ZC3H12B: variants seen among roughly 807,000 people sequenced by gnomAD.
ZC3H12B encodes probable ribonuclease ZC3H12B.
In ZC3H12B, 7 loss-of-function variants were observed where a neutral mutation model predicts 43.9. The observed-to-expected ratio is 0.16, with a 90% CI of 0.09 to 0.30. The LOEUF is 0.30. Ranked by LOEUF, ZC3H12B falls within the 10% of genes least tolerant of loss-of-function variation. ZC3H12B has a pLI of 1.00. For missense variants in ZC3H12B, 475 were observed against 670.2 expected, an observed-to-expected ratio of 0.71 and a Z score of 3.22; for synonymous variants, 222 against 241.7, an observed-to-expected ratio of 0.92 and a Z score of 0.76.
intron 3 of ZC3H12B, among the ~76,000 whole-genome samples, chrX:65,480,785 G>T (rs754461574): frequency 9.2e-6 from 1 of 108,154 alleles, no homozygotes; most frequent in South Asian, 4.1e-4. Flanking sequence ...GGCGGAGTTT[G>T]CAGTGAGCCG....
At chrX:65,226,274 C>T in the ZC3H12B span, among the ~76,000 whole-genome samples, 47 of 111,061 alleles carry the variant, frequency 4.2e-4, no homozygotes, top group Admixed American at 2.9e-3. Context: ...CCAAACTAAG[C>T]TTCATAAGTG....
At chrX:65,496,365 C>T (rs189751930) in intron 1 of ZC3H12B, among the ~76,000 whole-genome samples, 267 of 111,929 alleles carry the variant, frequency 2.4e-3, no homozygotes, top group African/African-American at 8.2e-3. Flanking sequence ...GTGCTTAAGA[C>T]TTATCCCCAA....
chrX:65,056,597 C>T, the ZC3H12B span, among the ~76,000 whole-genome samples: 1 of 111,522 alleles, frequency 9.0e-6, no homozygotes, highest in Non-Finnish European at 1.9e-5. Context: ...CTGTAGATGT[C>T]TATTAGGTCC....
chrX:65,133,404 G>A, the ZC3H12B span, among the ~76,000 whole-genome samples: 7 of 109,678 alleles, frequency 6.4e-5, no homozygotes, highest in African/African-American at 2.3e-4. Flanking sequence ...GCCCTTCTGG[G>A]TCTAGGGTGG....
chrX:65,438,782 G>C (rs1056679939), intron 3 of ZC3H12B, among the ~76,000 whole-genome samples: 1 of 113,418 alleles, frequency 8.8e-6, no homozygotes, highest in Admixed American at 9.3e-5. Context: ...TTTCCGCCCT[G>C]GGCGGGCCAG....
intron 3 of ZC3H12B, among the ~76,000 whole-genome samples, chrX:65,430,939 G>C (rs955198220): frequency 2.7e-5 from 3 of 111,369 alleles, no homozygotes; most frequent in African/African-American, 9.8e-5. Context: ...AGTTGATGGT[G>C]CTGTATTCAC....
At chrX:65,076,296 C>T in the ZC3H12B span, among the ~76,000 whole-genome samples, 8 of 110,057 alleles carry the variant, frequency 7.3e-5, no homozygotes, top group African/African-American at 2.3e-4. Flanking sequence ...GCCACCATGC[C>T]TAGCTGATTT....
chrX:65,175,125 G>T, the ZC3H12B span, among the ~76,000 whole-genome samples: 1 of 111,412 alleles, frequency 9.0e-6, no homozygotes, highest in East Asian at 2.8e-4. Flanking sequence ...TCCCTTGGAT[G>T]GGGGACAGAG....
the ZC3H12B span, among the ~76,000 whole-genome samples, chrX:65,075,922 A>G: frequency 2.7e-3 from 303 of 111,727 alleles, no homozygotes; most frequent in African/African-American, 8.9e-3. Context: ...AGTGAGTACC[A>G]TGAATTTTCC....
chrX:65,144,640 C>T, the ZC3H12B span, among the ~76,000 whole-genome samples: 2 of 111,365 alleles, frequency 1.8e-5, no homozygotes, highest in African/African-American at 6.5e-5. Context: ...ACTGCCTTTG[C>T]TGTGCCCCAG....
chrX:65,077,628 G>A, the ZC3H12B span, among the ~76,000 whole-genome samples: 3 of 112,209 alleles, frequency 2.7e-5, no homozygotes, highest in Non-Finnish European at 3.8e-5. Context: ...GGTTATTCTC[G>A]GGTACCTTGG....
At chrX:65,075,229 C>T in the ZC3H12B span, among the ~76,000 whole-genome samples, 1 of 112,257 alleles carries the variant, frequency 8.9e-6, no homozygotes, top group Admixed American at 9.4e-5. Context: ...TTCTTAGTTT[C>T]CCCCAAGCTT....
At chrX:65,432,866 A>G (rs776882475) in intron 3 of ZC3H12B, among the ~76,000 whole-genome samples, 15 of 111,922 alleles carry the variant, frequency 1.3e-4, no homozygotes, top group Non-Finnish European at 2.4e-4. Context: ...TTTTGCTCCT[A>G]TGTCCAATCA....
At chrX:65,474,237 G>A (rs1176184815) in intron 3 of ZC3H12B, among the ~76,000 whole-genome samples, 7 of 111,188 alleles carry the variant, frequency 6.3e-5, no homozygotes, top group African/African-American at 1.6e-4. Context: ...TTTGTCTCTA[G>A]AGTTTTAAAC....
the ZC3H12B span, among the ~76,000 whole-genome samples, chrX:65,347,429 A>G: frequency 8.9e-6 from 1 of 112,174 alleles, no homozygotes; most frequent in African/African-American, 3.2e-5. Flanking sequence ...GGCAAAGGAT[A>G]TGAACAGACA....
intron 3 of ZC3H12B, among the ~76,000 whole-genome samples, chrX:65,407,931 G>T (rs1034763351): frequency 8.8e-6 from 1 of 113,817 alleles, no homozygotes; most frequent in African/African-American, 3.2e-5. Flanking sequence ...CGAGTGGCCG[G>T]TACGCCCGGC....
the ZC3H12B span, chrX:65,272,129 G>T: frequency 4.6e-5 from 5 of 109,544 alleles, no homozygotes; most frequent in African/African-American, 1.7e-4. Flanking sequence ...CAGGAGAATG[G>T]TGCGAACATG....
chrX:65,150,520 G>T, the ZC3H12B span, among the ~76,000 whole-genome samples: 3 of 109,658 alleles, frequency 2.7e-5, no homozygotes, highest in African/African-American at 1.0e-4. Context: ...CCTGGTGTGT[G>T]TTGTTTCCCT....
At chrX:65,249,701 T>A in the ZC3H12B span, among the ~76,000 whole-genome samples, 1 of 111,700 alleles carries the variant, frequency 9.0e-6, no homozygotes, top group Admixed American at 9.5e-5. Flanking sequence ...GGGATATGTT[T>A]CATTTCTTTG....
Sources: gnomAD v4.1 joint callset for allele counts (sites outside exome capture counted in the v4.1 genomes callset) on GRCh38, gnomAD v4.1.1 for gene constraint, MANE v1.5 for transcripts, NCBI Gene and HGNC (gene_info 2026-07-23, HGNC 2026-07-21) for gene names.